The following NRF1 variants were observed in gnomAD, a reference collection of about 807,000 sequenced individuals.
The protein encoded by NRF1 is nuclear respiratory factor 1.
A neutral mutation model predicts 58.5 loss-of-function variants in NRF1; 5 were observed. The observed-to-expected ratio is 0.09, with a 90% CI of 0.04 to 0.18. The LOEUF is 0.18. Among genes scored for constraint, NRF1 ranks in the 10% least tolerant of loss-of-function variants. The pLI, the probability that NRF1 is intolerant of heterozygous loss-of-function variation, is 1.00. For missense variants in NRF1, 288 were observed against 657.7 expected (o/e 0.44, Z 6.15); for synonymous variants, 224 against 246.7 (o/e 0.91, Z 0.86).
At chr7:129,647,282 T>C (rs903358411) in intron 1 of NRF1, among the ~76,000 whole-genome samples, 1 of 152,006 alleles carries the variant, frequency 6.6e-6, no homozygotes, top group Non-Finnish European at 1.5e-5. Context: ...TGCCCGCCTC[T>C]GGCCTCTCGG....
At chr7:129,705,330 G>T (rs968855583) in intron 5 of NRF1, among the ~76,000 whole-genome samples, 2 of 151,956 alleles carry the variant, frequency 1.3e-5, no homozygotes, top group African/African-American at 4.8e-5. Context: ...TTGCTCTGTT[G>T]CCCAGGCTGG....
At chr7:129,726,020 C>T (rs1044343188) in intron 9 of NRF1, among the ~76,000 whole-genome samples, 5 of 152,160 alleles carry the variant, frequency 3.3e-5, no homozygotes, top group African/African-American at 4.8e-5. Context: ...ATGTTTACTC[C>T]AATTAGTCCC....
rs376692231 is a variant in NRF1, at chr7:129,663,585, C to T, written c.223+6011C>T. Among the ~76,000 whole-genome samples the T allele has an allele frequency of 7.3e-4, 109 of 148,576 alleles. 1 individual carries two copies. Among genetic ancestry groups the T allele is most frequent in the Middle Eastern group, 3.5e-3 (1 of 286 alleles). ...CAGACGATGGGCGGCCAGGCAGAGA[C>T]GCTCCTCACTTCCTAGACGGGGTGG... On this transcript the variant is annotated intron_variant, in intron 2 of 10. Coordinates refer to ENST00000393232, the MANE Select transcript of NRF1 (RefSeq NM_005011.5).
Position 129,697,926 on chromosome 7 carries a change from G to C in NRF1, c.606+7380G>C, listed in dbSNP as rs532010455. On this transcript the variant is annotated intron_variant, in intron 5 of 10. Transcript: ENST00000393232. The stretch of plus-strand genomic sequence containing the variant: ...ATTTTTTGTATTTTTAGTAGAGAAG[G>C]GGTTTCACCATGTCAGGCTGGTCTC... Among the ~76,000 whole-genome samples the C allele has an allele frequency of 2.0e-5, 3 of 152,124 alleles. No homozygotes were observed. In the South Asian group the frequency reaches 6.2e-4, roughly 32 times the overall value.
chr7:129,695,078 T>G (rs1802656432), intron 5 of NRF1, among the ~76,000 whole-genome samples: 1 of 152,222 alleles, frequency 6.6e-6, no homozygotes, highest in African/African-American at 2.4e-5. Context: ...ATTTGTGGTA[T>G]GTTAAATTAA....
At chr7:129,626,918 G>T (rs10808240) in intron 1 of NRF1, among the ~76,000 whole-genome samples, 133,265 of 152,274 alleles carry the variant, frequency 0.88, 58,437 homozygotes, top group East Asian at 0.93. Flanking sequence ...TCTACTAGTA[G>T]TTTTGGAATT....
At chr7:129,616,059 A>T (rs914071686) in intron 1 of NRF1, among the ~76,000 whole-genome samples, 6 of 152,216 alleles carry the variant, frequency 3.9e-5, no homozygotes, top group Non-Finnish European at 8.8e-5. Flanking sequence ...ATATACACAC[A>T]CACATATATA....
At chr7:129,663,905 A>G (rs544692663) in intron 2 of NRF1, among the ~76,000 whole-genome samples, 1 of 152,282 alleles carries the variant, frequency 6.6e-6, no homozygotes, top group Non-Finnish European at 1.5e-5. Flanking sequence ...TGGGCAGATC[A>G]CCCGAGGCCA....
At chr7:129,686,386 C>T (rs901130461) in intron 4 of NRF1, among the ~76,000 whole-genome samples, 4 of 152,004 alleles carry the variant, frequency 2.6e-5, no homozygotes, top group Non-Finnish European at 4.4e-5. Flanking sequence ...GGACTTTGTC[C>T]TATAAGAAGT....
At chr7:129,629,480 G>T (rs1248406166) in intron 1 of NRF1, among the ~76,000 whole-genome samples, 11 of 151,906 alleles carry the variant, frequency 7.2e-5, no homozygotes, top group Non-Finnish European at 1.6e-4. Flanking sequence ...TTGCCATGTT[G>T]GCCAGGCTGT....
intron 5 of NRF1, among the ~76,000 whole-genome samples, chr7:129,706,351 TG>T (rs1802949796): frequency 6.6e-6 from 1 of 152,108 alleles, no homozygotes; most frequent in Non-Finnish European, 1.5e-5. Flanking sequence ...AGGGAGAACT[TG>T]GAGTTTCCCA....
intron 5 of NRF1, among the ~76,000 whole-genome samples, chr7:129,702,319 T>G (rs756502512): frequency 1.3e-5 from 2 of 152,198 alleles, no homozygotes; most frequent in Admixed American, 6.5e-5. Context: ...AAGTCTTGCC[T>G]TGAGAGAGGA....
intron 1 of NRF1, among the ~76,000 whole-genome samples, chr7:129,649,321 C>T (rs1031676230): frequency 6.6e-6 from 1 of 152,140 alleles, no homozygotes; most frequent in East Asian, 1.9e-4. Context: ...CACCCCACCC[C>T]GGGTTTGGAC....
At chr7:129,619,455 TAC>T (rs1562950156) in intron 1 of NRF1, among the ~76,000 whole-genome samples, 7 of 62,702 alleles carry the variant, frequency 1.1e-4, no homozygotes, top group African/African-American at 1.6e-4. Context: ...CACATATATA[TAC>T]ACGTGTGTGT....
At chr7:129,620,834 A>C (rs1273537458) in intron 1 of NRF1, among the ~76,000 whole-genome samples, 2 of 152,230 alleles carry the variant, frequency 1.3e-5, no homozygotes, top group Non-Finnish European at 2.9e-5. Context: ...TTTGGAAAAA[A>C]TTTTAAATGC....
rs113755406 is a variant in NRF1 at position 129,750,344 on chromosome 7, G to A, written c.1349-4674G>A. 2.9e-3 allele frequency among the ~76,000 whole-genome samples: 444 copies of A among 152,248 alleles called. 3 individuals carry two copies. Among genetic ancestry groups the A allele is most frequent in the African/African-American group, 0.01 (427 of 41,550 alleles). Reference sequence around the variant, plus strand: ...AATCATCTCTCTTCCAAGGGCAGCCGCCCGACTTAGGGCACGCTGGGTTTC... The same window carrying A: ...AATCATCTCTCTTCCAAGGGCAGCCACCCGACTTAGGGCACGCTGGGTTTC... On this transcript the variant is annotated intron_variant, in intron 10 of 10. Coordinates refer to ENST00000393232, the MANE Select transcript of NRF1 (RefSeq NM_005011.5).
At position 129,744,191 on chromosome 7, in the gene NRF1, G is replaced by A. The variant is rs369427774; in HGVS notation, c.1349-10827G>A. On this transcript the variant is annotated intron_variant, in intron 10 of 10. Transcript: ENST00000393232. Reference sequence around the variant, plus strand: ...TTGTCAGGCCTCTTTATGGCAGATCGTGCAGGTCGCAAGTGGATCCTGACT... The same window carrying A: ...TTGTCAGGCCTCTTTATGGCAGATCATGCAGGTCGCAAGTGGATCCTGACT... 13 of 1,538,220 alleles carry A rather than the reference G, an allele frequency of 8.5e-6. No individual in the cohort carries two copies. The African/African-American group carries it at 9.9e-5, about 12-fold the overall frequency.
intron 1 of NRF1, among the ~76,000 whole-genome samples, chr7:129,638,126 T>G (rs559114142): frequency 1.6e-4 from 25 of 152,084 alleles, no homozygotes; most frequent in African/African-American, 6.0e-4. Context: ...TAGTTCACTC[T>G]TTTTGGGGGT....
chr7:129,687,149 CTG>C (rs975161537), intron 4 of NRF1, among the ~76,000 whole-genome samples: 3 of 152,106 alleles, frequency 2.0e-5, no homozygotes, highest in Admixed American at 6.6e-5. Context: ...TCATCATTGT[CTG>C]TGTTTTTTCA....
Sources: gnomAD v4.1 joint callset for allele counts (sites outside exome capture counted in the v4.1 genomes callset) on GRCh38, gnomAD v4.1.1 for gene constraint, MANE v1.5 for transcripts, NCBI Gene and HGNC (gene_info 2026-07-23, HGNC 2026-07-21) for gene names.